HERC6: variants seen among roughly 807,000 people sequenced by gnomAD.
HERC6 encodes HECT and RLD domain containing E3 ubiquitin protein ligase family member 6.
A neutral mutation model predicts 114.5 loss-of-function variants in HERC6; 101 were observed. The ratio of observed to expected loss-of-function variants is 0.88; its 90% CI spans 0.75 to 1.04. The LOEUF (loss-of-function observed/expected upper bound fraction) is 1.04. Among genes scored for constraint, HERC6 ranks in the 50% least tolerant of loss-of-function variants. The pLI, the probability that HERC6 is intolerant of heterozygous loss-of-function variation, is 0.00. For missense variants in HERC6, 1,133 were observed against 1,230.9 expected (o/e 0.92, Z 1.19); for synonymous variants, 408 against 436.2 (o/e 0.94, Z 0.81).
intron 11 of HERC6, among the ~76,000 whole-genome samples, chr4:88,411,691 A>G (rs898648972): frequency 1.6e-4 from 24 of 152,322 alleles, no homozygotes; most frequent in African/African-American, 5.8e-4. Context: ...GTATTTTCCA[A>G]CATCCTAGTC....
chr4:88,413,265 A>G lies in HERC6; in HGVS notation c.1557A>G (p.Leu519=). Residue 519 remains leucine, a splice_region_variant and synonymous_variant, in exon 12 of 23, where the codon CTA becomes CTG. Coordinates refer to ENST00000264346, the MANE Select transcript of HERC6 (RefSeq NM_017912.4). ...CEMSKQSLQV[L]KKCWAFLQES... ...TGAGTAAACAATCTTTGCAAGTCCT[A>G]AGTAAGTTTTATGTCACTTTATCTG... 1.9e-6 allele frequency: 3 copies of G among 1,609,894 alleles called. No homozygotes were observed. The South Asian group carries it at 3.3e-5, about 18-fold the overall frequency.
intron 3 of HERC6, among the ~76,000 whole-genome samples, chr4:88,386,372 A>T (rs10433947): frequency 0.11 from 16,681 of 151,570 alleles, 1,574 homozygotes; most frequent in East Asian, 0.44. Context: ...TGCCCGGCTA[A>T]TTTTTGTATT....
At chr4:88,394,088 G>C (rs1420384949) in intron 5 of HERC6, among the ~76,000 whole-genome samples, 1 of 152,154 alleles carries the variant, frequency 6.6e-6, no homozygotes, top group Non-Finnish European at 1.5e-5. Flanking sequence ...CATATCTAAA[G>C]AGGAGATGTG....
chr4:88,424,293 C>T (rs1355476927), intron 14 of HERC6, among the ~76,000 whole-genome samples: 1 of 152,160 alleles, frequency 6.6e-6, no homozygotes, highest in Non-Finnish European at 1.5e-5. Context: ...TTGAGACCAG[C>T]TTGGGCAACA....
At chr4:88,416,115 G>A (rs762662005) in intron 12 of HERC6, among the ~76,000 whole-genome samples, 3 of 152,182 alleles carry the variant, frequency 2.0e-5, no homozygotes, top group African/African-American at 4.8e-5. Context: ...GGGTAAAAAG[G>A]TCCAGTGTCA....
chr4:88,426,448 G>A (rs767211604), intron 15 of HERC6, among the ~76,000 whole-genome samples: 2 of 150,976 alleles, frequency 1.3e-5, no homozygotes, highest in Non-Finnish European at 3.0e-5. Context: ...GATTACAGGC[G>A]TGAGCCACCG....
intron 1 of HERC6, 130 bp downstream of exon 1, chr4:88,379,250 G>A (rs1734034824): frequency 1.4e-6 from 1 of 734,686 alleles, no homozygotes; most frequent in Non-Finnish European, 2.1e-6. Context: ...CCCAGGTGCA[G>A]GGAGCGGCTC....
rs752993577 is a variant in HERC6 at position 88,390,795 on chromosome 4, T to C, written c.580T>C (p.Phe194Leu). 6.2e-7 allele frequency: 1 copy of C among 1,614,066 alleles called. No homozygotes were observed. Among genetic ancestry groups the C allele is most frequent in the Non-Finnish European group, 8.5e-7 (1 of 1,180,006 alleles). Residue 194 changes from phenylalanine to leucine, a missense_variant, in exon 4 of 23, where the codon TTT becomes CTT. Physicochemically the swap from Phe to Leu is conservative, Grantham distance 22 (BLOSUM62 0). Transcript: ENST00000264346. The stretch of plus-strand genomic sequence containing the variant: ...GGTGGCTGCCGGAGGGGCTCACAGC[T>C]TTGCCCTGTCTCTCTGTGGGACTTC... Reference protein sequence around the residue: ...AQVAAGGAHSFALSLCGTSFG... With the variant: ...AQVAAGGAHSLALSLCGTSFG...
At chr4:88,431,353 C>A in intron 17 of HERC6, 48 bp downstream of exon 17, 3 of 1,551,004 alleles carry the variant, frequency 1.9e-6, no homozygotes, top group Admixed American at 2.1e-5. Context: ...AAAGGCACCC[C>A]ATATACTGCA....
rs370098721 is a variant in HERC6, at chr4:88,442,750, A to G, written c.*290A>G. Reference sequence around the variant, plus strand: ...GGTCCATTCCAGGACCTTCATTTGCATAAGGTATCAAACCACATCAGCCTC... The same window carrying G: ...GGTCCATTCCAGGACCTTCATTTGCGTAAGGTATCAAACCACATCAGCCTC... On this transcript the variant is annotated 3_prime_UTR_variant, in exon 23 of 23. Transcript: ENST00000264346. 40 of 427,042 alleles carry G rather than the reference A, an allele frequency of 9.4e-5. No individual in the cohort carries two copies. The highest frequency in any genetic ancestry group is 7.1e-4 in the African/African-American group (36 of 50,568). 26.5% of individuals were successfully genotyped at this position (427,042 alleles called of 1,614,324 possible). A position where few individuals can be genotyped will look rare whatever the true frequency, so the allele number is the denominator to read the frequency against.
intron 1 of HERC6, among the ~76,000 whole-genome samples, chr4:88,381,232 GGCT>G (rs1734301425): frequency 1.3e-5 from 2 of 151,904 alleles, no homozygotes; most frequent in Non-Finnish European, 2.9e-5. Flanking sequence ...TAGGTTCAGC[GGCT>G]GGGTCCTGCA....
intron 17 of HERC6, among the ~76,000 whole-genome samples, chr4:88,433,853 A>T (rs1333756899): frequency 6.6e-6 from 1 of 152,208 alleles, no homozygotes; most frequent in African/African-American, 2.4e-5. Flanking sequence ...GAGGAGAAAG[A>T]TGAATACATG....
intron 19 of HERC6, among the ~76,000 whole-genome samples, chr4:88,437,398 C>T (rs913440952): frequency 1.3e-5 from 2 of 152,044 alleles, no homozygotes; most frequent in African/African-American, 4.8e-5. Context: ...TTCTGTACCG[C>T]AAGACTTTCC....
intron 13 of HERC6, among the ~76,000 whole-genome samples, chr4:88,418,200 G>T (rs1353070358): frequency 6.6e-6 from 1 of 152,148 alleles, no homozygotes; most frequent in African/African-American, 2.4e-5. Context: ...TGCTAGAAAT[G>T]TTCCATGTCT....
At chr4:88,421,130 T>C (rs1737006245) in intron 13 of HERC6, among the ~76,000 whole-genome samples, 1 of 152,262 alleles carries the variant, frequency 6.6e-6, no homozygotes, top group Non-Finnish European at 1.5e-5. Flanking sequence ...TTCATTCTTT[T>C]TTATTGATGA....
intron 11 of HERC6, 68 bp downstream of exon 11, chr4:88,408,685 G>T: frequency 2.8e-6 from 3 of 1,055,744 alleles, no homozygotes; most frequent in Non-Finnish European, 2.9e-6. Context: ...TGGAAGCTGG[G>T]TGAGATGGGA....
chr4:88,421,691 C>T (rs1176121032), intron 13 of HERC6, among the ~76,000 whole-genome samples: 3 of 152,100 alleles, frequency 2.0e-5, no homozygotes, highest in African/African-American at 7.2e-5. Flanking sequence ...AGTAATCCAC[C>T]CACCTCAGTC....
chr4:88,432,085 T>A (rs1738273013), intron 17 of HERC6, among the ~76,000 whole-genome samples: 1 of 152,176 alleles, frequency 6.6e-6, no homozygotes. Context: ...AATTGGAAAC[T>A]TTTTGAGTGC....
At chr4:88,431,430 A>G (rs1034466216) in intron 17 of HERC6, 125 bp downstream of exon 17, 10 of 1,130,500 alleles carry the variant, frequency 8.8e-6, no homozygotes, top group Non-Finnish European at 7.5e-6. Context: ...TATTTTGAGT[A>G]GTACTCGTAT....
Sources: allele counts gnomAD v4.1 joint callset (sites outside exome capture counted in the v4.1 genomes callset), GRCh38; gene constraint gnomAD v4.1.1; transcripts MANE v1.5; gene names NCBI Gene and HGNC (gene_info 2026-07-23, HGNC 2026-07-21).